Variants in H2AC25 observed in about 807,000 individuals in gnomAD.
H2AC25 encodes histone H2A type 3.
At chr1:228,457,699 T>C in the H2AC25 span, 2 of 1,613,338 alleles carry the variant, frequency 1.2e-6, no homozygotes, top group East Asian at 2.2e-5. Flanking sequence ...GCGCTCCGAA[T>C]AGTTGCCCTT....
At chr1:228,457,627 A>G in the H2AC25 span, 1 of 1,613,846 alleles carries the variant, frequency 6.2e-7, no homozygotes, top group Non-Finnish European at 8.5e-7. Flanking sequence ...GGCAAGCTCC[A>G]GGATCTCGGC....
chr1:228,457,872 A>C, the H2AC25 span: 18 of 1,553,818 alleles, frequency 1.2e-5, no homozygotes, highest in Admixed American at 2.6e-4. Flanking sequence ...TAAAAACAAG[A>C]GGGCAGTGAA....
At chr1:228,457,805 C>T in the H2AC25 span, 6 of 1,595,316 alleles carry the variant, frequency 3.8e-6, no homozygotes, top group Non-Finnish European at 5.1e-6. Context: ...CCCTGCTTAC[C>T]ACGACCGGAC....
At chr1:228,457,497 G>T in the H2AC25 span, 1 of 1,614,108 alleles carries the variant, frequency 6.2e-7, no homozygotes, top group Non-Finnish European at 8.5e-7. Flanking sequence ...TGGGCAGGAC[G>T]CCACCCTGCG....
chr1:228,457,380 G>A, the H2AC25 span: 1 of 1,607,234 alleles, frequency 6.2e-7, no homozygotes, highest in Non-Finnish European at 8.5e-7. Flanking sequence ...GCTCTGAAAA[G>A]AGCCTTTATG....
chr1:228,457,743 C>T, the H2AC25 span: 13 of 1,611,736 alleles, frequency 8.1e-6, no homozygotes, highest in Admixed American at 2.0e-4. Context: ...CCACGGGGAA[C>T]TGCAGCCCCG....
the H2AC25 span, chr1:228,457,497 G>C: frequency 6.2e-7 from 1 of 1,614,108 alleles, no homozygotes. Flanking sequence ...TGGGCAGGAC[G>C]CCACCCTGCG....
At chr1:228,457,485 G>A in the H2AC25 span, 1 of 1,614,026 alleles carries the variant, frequency 6.2e-7, no homozygotes, top group African/African-American at 1.3e-5. Context: ...CGGCCTGGAT[G>A]TTGGGCAGGA....
At chr1:228,457,842 C>A in the H2AC25 span, 5 of 1,579,614 alleles carry the variant, frequency 3.2e-6, 1 homozygote, top group South Asian at 5.8e-5. Context: ...AAAAAGACAA[C>A]GGCAACCGAA....
the H2AC25 span, chr1:228,457,816 A>G: frequency 6.3e-7 from 1 of 1,589,606 alleles, no homozygotes; most frequent in South Asian, 1.1e-5. Flanking sequence ...ACGACCGGAC[A>G]TTTCCGAGTC....
At chr1:228,457,434 C>T in the H2AC25 span, 2 of 1,614,062 alleles carry the variant, frequency 1.2e-6, no homozygotes, top group Non-Finnish European at 1.7e-6. Flanking sequence ...CTCACTTGCC[C>T]TTGGCCTTGT....
chr1:228,457,518 G>A, the H2AC25 span: 2 of 1,614,116 alleles, frequency 1.2e-6, no homozygotes, highest in Non-Finnish European at 1.7e-6. Flanking sequence ...CGATGGTCAC[G>A]CGGCCCAGCA....
the H2AC25 span, chr1:228,457,861 C>A: frequency 6.4e-7 from 1 of 1,568,194 alleles, no homozygotes; most frequent in Non-Finnish European, 8.6e-7. Context: ...AAAAGCGAGA[C>A]TAAAAACAAG....
At chr1:228,457,747 A>C in the H2AC25 span, 1 of 1,611,646 alleles carries the variant, frequency 6.2e-7, no homozygotes, top group Admixed American at 1.7e-5. Flanking sequence ...GGGGAACTGC[A>C]GCCCCGCGCG....
chr1:228,457,788 C>A, the H2AC25 span: 1 of 1,606,942 alleles, frequency 6.2e-7, no homozygotes, highest in Admixed American at 1.7e-5. Context: ...TGGCGCGCGC[C>A]TTGCCACCCT....
the H2AC25 span, chr1:228,457,786 G>T: frequency 6.2e-7 from 1 of 1,608,062 alleles, no homozygotes; most frequent in South Asian, 1.1e-5. Context: ...CTTGGCGCGC[G>T]CCTTGCCACC....
At chr1:228,457,400 G>A in the H2AC25 span, 4 of 1,613,224 alleles carry the variant, frequency 2.5e-6, no homozygotes, top group East Asian at 2.2e-5. Context: ...GTCCATCAAA[G>A]GGGCCCCGGG....
chr1:228,457,567 A>C, the H2AC25 span: 4 of 1,614,070 alleles, frequency 2.5e-6, no homozygotes, highest in Admixed American at 6.7e-5. Context: ...GGCCAGCTGC[A>C]GGTGGCGCGG....
At chr1:228,457,730 G>A in the H2AC25 span, 2 of 1,612,508 alleles carry the variant, frequency 1.2e-6, no homozygotes, top group South Asian at 1.1e-5. Context: ...CGGTGCACGC[G>A]GCCCACGGGG....
Sources: gnomAD v4.1 joint callset for allele counts on GRCh38, gnomAD v4.1.1 for gene constraint, MANE v1.5 for transcripts, NCBI Gene and HGNC (gene_info 2026-07-23, HGNC 2026-07-21) for gene names.